WHRN: variants seen among roughly 807,000 people sequenced by gnomAD.
WHRN encodes CASK-interacting protein CIP98.
A neutral mutation model predicts 68.3 loss-of-function variants in WHRN; 41 were observed. The observed-to-expected ratio is 0.60, with a 90% CI of 0.47 to 0.78. WHRN has a LOEUF of 0.78. Among genes scored for constraint, WHRN ranks in the 30% least tolerant of loss-of-function variants. WHRN has a pLI of 0.00. For missense variants in WHRN, 1,243 were observed against 1,244.7 expected (o/e 1.00, Z 0.02); for synonymous variants, 560 against 561.3 (o/e 1.00, Z 0.03).
chr9:114,418,754 G>T (rs1001192575), intron 7 of WHRN, among the ~76,000 whole-genome samples: 1 of 152,198 alleles, frequency 6.6e-6, no homozygotes, highest in African/African-American at 2.4e-5. Context: ...CTCACCACCT[G>T]CAGGTCTTGA....
chr9:114,470,717 C>T (rs1841140136), intron 2 of WHRN, among the ~76,000 whole-genome samples: 1 of 152,178 alleles, frequency 6.6e-6, no homozygotes, highest in African/African-American at 2.4e-5. Context: ...GCCCCCACTC[C>T]ATGCTGCACC....
intron 3 of WHRN, 111 bp downstream of exon 3, chr9:114,466,156 C>T (rs1376008674): frequency 1.5e-5 from 23 of 1,552,768 alleles, no homozygotes; most frequent in South Asian, 7.8e-5. Context: ...GGCTCCCCAG[C>T]TGGGACCAGT....
At chr9:114,415,472 A>G (rs567487551) in intron 7 of WHRN, among the ~76,000 whole-genome samples, 2 of 152,286 alleles carry the variant, frequency 1.3e-5, no homozygotes, top group South Asian at 4.1e-4. Context: ...CAGGGCCCTC[A>G]GACATGCCCC....
chr9:114,477,954 T>C (rs562854649), intron 2 of WHRN, among the ~76,000 whole-genome samples: 1 of 151,672 alleles, frequency 6.6e-6, no homozygotes, highest in African/African-American at 2.4e-5. Context: ...TCCTGGGAGG[T>C]AGAAAGGGGA....
chr9:114,429,632 C>T (rs1162113294), intron 3 of WHRN, among the ~76,000 whole-genome samples: 1 of 152,194 alleles, frequency 6.6e-6, no homozygotes, highest in Non-Finnish European at 1.5e-5. Context: ...GGCTGGTCTC[C>T]CTGTAAAGAG....
intron 7 of WHRN, among the ~76,000 whole-genome samples, chr9:114,418,235 C>T (rs758357058): frequency 2.0e-5 from 3 of 152,236 alleles, no homozygotes; most frequent in Admixed American, 6.5e-5. Flanking sequence ...AAAAGGCAGT[C>T]GCTCCTGAGG....
intron 1 of WHRN, among the ~76,000 whole-genome samples, chr9:114,489,626 C>T (rs891006015): frequency 3.3e-5 from 5 of 152,134 alleles, no homozygotes; most frequent in Admixed American, 6.5e-5. Flanking sequence ...AAGTAAGAAT[C>T]TTAATTATAA....
intron 1 of WHRN, among the ~76,000 whole-genome samples, chr9:114,486,174 C>T (rs1842459223): frequency 1.3e-5 from 2 of 152,152 alleles, no homozygotes; most frequent in South Asian, 4.1e-4. Flanking sequence ...TTCTCTAAAC[C>T]TCGAATCTAT....
chr9:114,463,048 T>C (rs1039191902), intron 3 of WHRN, among the ~76,000 whole-genome samples: 2 of 152,188 alleles, frequency 1.3e-5, no homozygotes, highest in Non-Finnish European at 2.9e-5. Context: ...CCAACAACGT[T>C]ACGTAAGCTG....
intron 1 of WHRN, among the ~76,000 whole-genome samples, chr9:114,485,020 G>T (rs1210938531): frequency 6.6e-6 from 1 of 152,216 alleles, no homozygotes; most frequent in East Asian, 1.9e-4. Flanking sequence ...CAAGCATGGG[G>T]TGGACCTCAA....
chr9:114,404,046 G>T lies in WHRN; in HGVS notation c.2268C>A (p.Ser756Arg). ...TASTLSQLSD[S>R]GQTLSEDSGV... Reference sequence around the variant, plus strand: ...CACTGTCCTCGCTTAGAGTCTGCCCGCTGTCCGAGAGCTGGGAGAGCGTAG... The same window carrying T: ...CACTGTCCTCGCTTAGAGTCTGCCCTCTGTCCGAGAGCTGGGAGAGCGTAG... Residue 756 changes from serine to arginine, a missense_variant, in exon 10 of 12, where the codon AGC (serine) becomes AGA (arginine). Coordinates refer to ENST00000362057, the MANE Select transcript of WHRN (RefSeq NM_015404.4). 6.2e-7 allele frequency: 1 copy of T among 1,613,268 alleles called. No homozygotes were observed. Among genetic ancestry groups the T allele is most frequent in the Non-Finnish European group, 8.5e-7 (1 of 1,180,030 alleles).
intron 3 of WHRN, among the ~76,000 whole-genome samples, chr9:114,431,754 A>G (rs1290403897): frequency 1.3e-5 from 2 of 152,378 alleles, no homozygotes; most frequent in South Asian, 2.1e-4. Flanking sequence ...GGCACAGGAA[A>G]ATAAAGCAGA....
rs573996499 is a variant in WHRN at position 114,469,040 on chromosome 9, G to A, written c.838-2648C>T. 2.0e-5 allele frequency among the ~76,000 whole-genome samples: 3 copies of A among 152,350 alleles called. No homozygotes were observed. The East Asian group carries it at 5.8e-4, about 29-fold the overall frequency. On this transcript the variant is annotated intron_variant, in intron 2 of 11. Transcript: ENST00000362057. ...CTCTGTGCCTCAGTTTCTTCATCTAGAAAATGGGGAAACCAGTCACGCTCA... is the reference window on the plus strand; with the variant it reads ...CTCTGTGCCTCAGTTTCTTCATCTAAAAAATGGGGAAACCAGTCACGCTCA...
intron 3 of WHRN, among the ~76,000 whole-genome samples, chr9:114,456,473 C>A (rs949356272): frequency 6.6e-6 from 1 of 152,212 alleles, no homozygotes; most frequent in Middle Eastern, 3.4e-3. Context: ...AGACAGAAAC[C>A]AAGAAGAGTC....
At position 114,489,482 on chromosome 9, in the gene WHRN, ACACACACGTACACACACACACG is replaced by A. The variant is rs1363295154; in HGVS notation, c.619-10733_619-10712del. 4.9e-4 allele frequency among the ~76,000 whole-genome samples: 64 copies of A among 131,626 alleles called. 1 individual carries two copies. Among genetic ancestry groups the A allele is most frequent in the South Asian group, 2.5e-4 (1 of 4,028 alleles). 86.4% of individuals were successfully genotyped at this position (131,626 alleles called of 152,430 possible). A position where few individuals can be genotyped will look rare whatever the true frequency, so the allele number is the denominator to read the frequency against. ...CACACATACACACACACACACACGC[ACACACACGTACACACACACACG>A]CACACACGCGTGCACACACACACAC... On this transcript the variant is annotated intron_variant, in intron 1 of 11. Coordinates refer to ENST00000362057, the MANE Select transcript of WHRN (RefSeq NM_015404.4).
At chr9:114,420,970 A>G (rs1836234217) in intron 7 of WHRN, among the ~76,000 whole-genome samples, 1 of 151,960 alleles carries the variant, frequency 6.6e-6, no homozygotes, top group African/African-American at 2.4e-5. Context: ...ATTTTCTCTT[A>G]GAATCACTTC....
In WHRN at chr9:114,424,998, C is replaced by T. The variant is rs201612708; in HGVS notation, c.1193G>A (p.Gly398Glu). ...AGFLGDLTTE[G>E]INKPGFYKGP... ...TAGAGGATGTCCTACCTTGTTTATT[C>T]CTTCTGTTGTGAGATCGCCAAGAAA... Residue 398 changes from glycine (G) to glutamate (E), a missense_variant, in exon 5 of 12, where the codon GGA becomes GAA. Transcript: ENST00000362057. 40 of 1,614,180 alleles carry T rather than the reference C, an allele frequency of 2.5e-5. No individual in the cohort carries two copies. In the African/African-American group the frequency reaches 3.3e-4, roughly 13 times the overall value.
Position 114,438,969 on chromosome 9 carries a change from C to A in WHRN, c.964-12556G>T, listed in dbSNP as rs544182283. 1.8e-4 allele frequency among the ~76,000 whole-genome samples: 28 copies of A among 152,238 alleles called. No individual in the cohort carries two copies. In the South Asian group the frequency reaches 2.9e-3, roughly 16 times the overall value. ...AAAGAATGACAAAGACCTCTGTGCA[C>A]TGACATAACAGGATTTCCAGGATAC... is the stretch of plus-strand genomic sequence containing the variant. On this transcript the variant is annotated intron_variant, in intron 3 of 11. Transcript: ENST00000362057.
At chr9:114,463,425 C>G (rs1405817602) in intron 3 of WHRN, among the ~76,000 whole-genome samples, 1 of 152,150 alleles carries the variant, frequency 6.6e-6, no homozygotes, top group Non-Finnish European at 1.5e-5. Context: ...CTTTACGTTT[C>G]TGGGGAAAAT....
Sources: allele counts gnomAD v4.1 joint callset (sites outside exome capture counted in the v4.1 genomes callset), GRCh38; gene constraint gnomAD v4.1.1; transcripts MANE v1.5; gene names NCBI Gene and HGNC (gene_info 2026-07-23, HGNC 2026-07-21).